The following ADAMTSL1 variants were observed in gnomAD, a reference collection of about 807,000 sequenced individuals.
The protein encoded by ADAMTSL1 is ADAMTS-like protein 1.
Under a neutral mutation model 201.8 loss-of-function variants are expected in ADAMTSL1, and 126 were observed. That is an observed-to-expected ratio of 0.62 (90% CI 0.54 to 0.72). The LOEUF is 0.72. Ranked by LOEUF, ADAMTSL1 falls within the 30% of genes least tolerant of loss-of-function variation. ADAMTSL1 has a pLI of 0.00. For synonymous variants in ADAMTSL1, 1,121 were observed against 903.4 expected, an observed-to-expected ratio of 1.24 and a Z score of -4.32; for missense variants, 2,679 against 2,277.8, an observed-to-expected ratio of 1.18 and a Z score of -3.59.
At chr9:18,478,541 GTT>G (rs1563984548) in intron 1 of ADAMTSL1, among the ~76,000 whole-genome samples, 1 of 151,988 alleles carries the variant, frequency 6.6e-6, no homozygotes, top group African/African-American at 2.4e-5. Context: ...GTGTAGTTCT[GTT>G]TCTTTGGTCA....
chr9:18,592,839 C>T (rs1003436715), intron 4 of ADAMTSL1, among the ~76,000 whole-genome samples: 2 of 152,134 alleles, frequency 1.3e-5, no homozygotes, highest in African/African-American at 2.4e-5. Context: ...AATATTGATT[C>T]TTCCAATCCA....
rs955359511 is a variant in ADAMTSL1 at position 18,887,154 on chromosome 9, C to A, written c.4250-677C>A. On this transcript the variant is annotated intron_variant, in intron 23 of 28. Transcript: ENST00000380548. ...GACCTTCAAGGAATTTCTCTCACAA[C>A]TGCAACCTGTTTATCTTACCGATTC... Among the ~76,000 whole-genome samples the A allele has an allele frequency of 3.9e-5, 6 of 152,346 alleles. No individual in the cohort carries two copies. In the South Asian group the frequency reaches 6.2e-4, roughly 16 times the overall value.
At chr9:18,444,042 T>C (rs1393300378) in intron 2 of ADAMTSL1, among the ~76,000 whole-genome samples, 1 of 152,218 alleles carries the variant, frequency 6.6e-6, no homozygotes, top group East Asian at 1.9e-4. Context: ...GCATTTACTA[T>C]AGAAATGATA....
At chr9:18,249,695 C>T (rs1587395716) in intron 2 of ADAMTSL1, among the ~76,000 whole-genome samples, 1 of 152,184 alleles carries the variant, frequency 6.6e-6, no homozygotes, top group Non-Finnish European at 1.5e-5. Context: ...TCAACCATTA[C>T]ATTTCTTGAA....
At chr9:18,317,889 C>G (rs774012422) in intron 2 of ADAMTSL1, among the ~76,000 whole-genome samples, 3 of 152,192 alleles carry the variant, frequency 2.0e-5, no homozygotes, top group Non-Finnish European at 4.4e-5. Context: ...GCCTAGAGAA[C>G]CGGATTTAGC....
chr9:18,412,108 G>C (rs1706757101), intron 2 of ADAMTSL1, among the ~76,000 whole-genome samples: 1 of 152,150 alleles, frequency 6.6e-6, no homozygotes, highest in African/African-American at 2.4e-5. Context: ...TTTGCTAATT[G>C]CTTCCTCATG....
Position 18,721,537 on chromosome 9 carries a change from T to G in ADAMTSL1, c.1878T>G (p.Gly626=), listed in dbSNP as rs972099479. 2.0e-5 allele frequency: 33 copies of G among 1,613,682 alleles called. No individual in the cohort carries two copies. The highest frequency in any genetic ancestry group is 2.7e-5 in the Non-Finnish European group (32 of 1,179,820). Residue 626 remains glycine (G), a splice_region_variant and synonymous_variant, in exon 15 of 29, where the codon GGT becomes GGG. Transcript: ENST00000380548. ...CCTGACCGTGTGATTTGTACACAGGTGTCCAGGAGGCTGTGGTGAGCTGCT... is the reference window on the plus strand; with the variant it reads ...CCTGACCGTGTGATTTGTACACAGGGGTCCAGGAGGCTGTGGTGAGCTGCT... The part of the protein sequence containing the change: ...FTKCSESCGG[G]VQEAVVSCLN...
chr9:18,640,300 G>T (rs370287418), intron 7 of ADAMTSL1, among the ~76,000 whole-genome samples: 1 of 152,132 alleles, frequency 6.6e-6, no homozygotes, highest in African/African-American at 2.4e-5. Flanking sequence ...CAAGCCATCC[G>T]AGGTAGCTCA....
At chr9:18,493,277 ATC>A (rs1213811200) in intron 1 of ADAMTSL1, among the ~76,000 whole-genome samples, 1 of 152,154 alleles carries the variant, frequency 6.6e-6, no homozygotes, top group Non-Finnish European at 1.5e-5. Context: ...TCAACTTTAC[ATC>A]TCTCTGTGAT....
At chr9:17,962,921 G>A (rs1338861690) in intron 1 of ADAMTSL1, among the ~76,000 whole-genome samples, 1 of 152,194 alleles carries the variant, frequency 6.6e-6, no homozygotes, top group Admixed American at 6.5e-5. Flanking sequence ...TGGTATTCAG[G>A]GAGCCACATC....
intron 2 of ADAMTSL1, among the ~76,000 whole-genome samples, chr9:18,408,085 T>C (rs958613956): frequency 2.6e-5 from 4 of 152,252 alleles, no homozygotes; most frequent in Non-Finnish European, 5.9e-5. Flanking sequence ...TAGAGTATTA[T>C]AGCCTATGGC....
chr9:18,801,039 G>T (rs1822764371), intron 20 of ADAMTSL1, among the ~76,000 whole-genome samples: 1 of 152,176 alleles, frequency 6.6e-6, no homozygotes, highest in African/African-American at 2.4e-5. Context: ...GAGAAGGAAG[G>T]CATGCAGCCT....
At chr9:17,946,447 A>G (rs973432680) in intron 1 of ADAMTSL1, among the ~76,000 whole-genome samples, 1 of 152,100 alleles carries the variant, frequency 6.6e-6, no homozygotes, top group East Asian at 1.9e-4. Flanking sequence ...TGAACTTACC[A>G]TCTTTGGTTC....
chr9:18,714,653 G>A (rs900417188), intron 14 of ADAMTSL1, among the ~76,000 whole-genome samples: 9 of 149,350 alleles, frequency 6.0e-5, no homozygotes, highest in Non-Finnish European at 1.0e-4. Flanking sequence ...ATTCACAGCC[G>A]AATTCTACCA....
intron 1 of ADAMTSL1, among the ~76,000 whole-genome samples, chr9:18,022,543 AT>A (rs143066877): frequency 2.5e-4 from 38 of 149,402 alleles, no homozygotes; most frequent in Admixed American, 6.7e-4. Flanking sequence ...ACGTAATGTT[AT>A]TTTTTTTTTA....
intron 2 of ADAMTSL1, among the ~76,000 whole-genome samples, chr9:18,509,510 A>G (rs1022078938): frequency 1.1e-4 from 17 of 152,190 alleles, no homozygotes; most frequent in African/African-American, 3.6e-4. Context: ...ATGGACTTTG[A>G]TGGTCTTGAT....
chr9:18,456,847 G>T (rs576978035), intron 2 of ADAMTSL1, among the ~76,000 whole-genome samples: 2 of 152,116 alleles, frequency 1.3e-5, no homozygotes, highest in East Asian at 1.9e-4. Context: ...GTTTGCTTTT[G>T]GTCATAGCAC....
Position 18,196,923 on chromosome 9 carries a change from C to G in ADAMTSL1, c.207+32942C>G, listed in dbSNP as rs1829206659. On this transcript the variant is annotated intron_variant, in intron 2 of 29. Transcript: ENST00000680146. ...CCCTCCTCAAAGAAGCCTTCCAGAA[C>G]TGTACTACCTAGAGTAGGCCCCTAT... Among the ~76,000 whole-genome samples, 6 of 152,256 alleles carry G rather than the reference C, an allele frequency of 3.9e-5. No individual in the cohort carries two copies. In the South Asian group the frequency reaches 1.2e-3, roughly 32 times the overall value.
At chr9:18,454,623 C>G (rs981225829) in intron 2 of ADAMTSL1, among the ~76,000 whole-genome samples, 28 of 152,180 alleles carry the variant, frequency 1.8e-4, no homozygotes, top group African/African-American at 6.8e-4. Context: ...GCATTTTGTG[C>G]TACCAGGTCA....
Sources: allele counts gnomAD v4.1 joint callset (sites outside exome capture counted in the v4.1 genomes callset), GRCh38; gene constraint gnomAD v4.1.1; transcripts MANE v1.5; gene names NCBI Gene and HGNC (gene_info 2026-07-23, HGNC 2026-07-21).